Variants in GPM6A observed in about 807,000 individuals in gnomAD.
GPM6A encodes the protein neuronal membrane glycoprotein M6-a.
GPM6A carries 7 observed loss-of-function variants against 32.1 expected under a neutral mutation model. That is an observed-to-expected ratio of 0.22 (90% CI 0.12 to 0.41). The LOEUF (loss-of-function observed/expected upper bound fraction) is 0.41. Among genes scored for constraint, GPM6A ranks in the 10% least tolerant of loss-of-function variants. The pLI is 1.00. For missense variants in GPM6A, 235 were observed against 347.2 expected (o/e 0.68, Z 2.57); for synonymous variants, 130 against 123.4 (o/e 1.05, Z -0.35).
At chr4:175,765,814 C>T (rs1266191034) in intron 1 of GPM6A, among the ~76,000 whole-genome samples, 1 of 152,140 alleles carries the variant, frequency 6.6e-6, no homozygotes, top group Non-Finnish European at 1.5e-5. Flanking sequence ...CCAGTGAAAT[C>T]AACCTTTTTC....
chr4:175,795,522 G>A (rs1420067803), intron 1 of GPM6A, among the ~76,000 whole-genome samples: 1 of 152,086 alleles, frequency 6.6e-6, no homozygotes, highest in Non-Finnish European at 1.5e-5. Context: ...GGCCAAGGAG[G>A]GAGGATTGCT....
chr4:175,740,699 T>G (rs571017620), intron 1 of GPM6A, among the ~76,000 whole-genome samples: 1 of 152,100 alleles, frequency 6.6e-6, no homozygotes, highest in Non-Finnish European at 1.5e-5. Context: ...TTGTTTCATT[T>G]TATTATAATT....
intron 1 of GPM6A, among the ~76,000 whole-genome samples, chr4:175,834,338 T>A (rs956834363): frequency 1.3e-5 from 2 of 152,148 alleles, no homozygotes; most frequent in African/African-American, 4.8e-5. Flanking sequence ...GCTGCTTTTT[T>A]TAGTTTGTTT....
chr4:175,933,456 T>A (rs553682287), intron 1 of GPM6A, among the ~76,000 whole-genome samples: 2 of 152,288 alleles, frequency 1.3e-5, no homozygotes, highest in South Asian at 4.1e-4. Flanking sequence ...AAGTAAAACA[T>A]AGACTTACCA....
intron 1 of GPM6A, among the ~76,000 whole-genome samples, chr4:175,908,612 C>T (rs947228507): frequency 2.0e-5 from 3 of 151,986 alleles, no homozygotes; most frequent in African/African-American, 4.8e-5. Context: ...ATCAAAGGGG[C>T]CTTTATAGGA....
intron 1 of GPM6A, among the ~76,000 whole-genome samples, chr4:175,996,198 T>C (rs1225828534): frequency 2.6e-5 from 4 of 152,222 alleles, no homozygotes; most frequent in South Asian, 2.1e-4. Context: ...AAGGCCTCGA[T>C]TTTTTGTAAT....
upstream of GPM6A, among the ~76,000 whole-genome samples, chr4:175,815,089 C>T (rs1164861951): frequency 6.6e-6 from 1 of 152,114 alleles, no homozygotes; most frequent in South Asian, 2.1e-4. Flanking sequence ...CAGCTCACTG[C>T]AACTTCTGCC....
At chr4:175,794,275 T>C (rs1345858557) in intron 1 of GPM6A, among the ~76,000 whole-genome samples, 1 of 152,230 alleles carries the variant, frequency 6.6e-6, no homozygotes, top group African/African-American at 2.4e-5. Flanking sequence ...CTTGAAACAG[T>C]GCTTAGCAAA....
At position 175,991,792 on chromosome 4, in the gene GPM6A, TA is replaced by T. The variant is rs547729947; in HGVS notation, c.-23+10516del. ...TCTGTTCCATGCCCTGATATTTCTTTAAAAAAAACACAATATATTTGTTTCG... is the reference window on the plus strand; with the variant it reads ...TCTGTTCCATGCCCTGATATTTCTTTAAAAAAACACAATATATTTGTTTCG... On this transcript the variant is annotated intron_variant, in intron 1 of 7. Transcript: ENST00000280187. Among the ~76,000 whole-genome samples the T allele has an allele frequency of 3.1e-3, 475 of 151,970 alleles. 2 individuals carry two copies. The highest frequency in any genetic ancestry group is 3.4e-3 in the Non-Finnish European group (229 of 67,944).
chr4:175,862,922 TACCCGC>T (rs1199109900), intron 1 of GPM6A, among the ~76,000 whole-genome samples: 1 of 152,196 alleles, frequency 6.6e-6, no homozygotes, highest in Non-Finnish European at 1.5e-5. Context: ...GGACCAATTA[TACCCGC>T]ACCATGAATA....
intron 6 of GPM6A, among the ~76,000 whole-genome samples, chr4:175,637,148 A>C (rs1326323576): frequency 2.6e-5 from 3 of 114,324 alleles, no homozygotes; most frequent in Non-Finnish European, 5.2e-5. Context: ...TATATGATAT[A>C]TTATATGTCA....
At chr4:175,786,282 A>G (rs187282303) in intron 1 of GPM6A, among the ~76,000 whole-genome samples, 138 of 148,144 alleles carry the variant, frequency 9.3e-4, no homozygotes, top group African/African-American at 3.2e-3. Context: ...AGGTCAGGAA[A>G]GGTTTTTTGT....
intron 1 of GPM6A, among the ~76,000 whole-genome samples, chr4:175,784,781 G>A (rs1733735625): frequency 6.6e-6 from 1 of 152,064 alleles, no homozygotes; most frequent in Non-Finnish European, 1.5e-5. Flanking sequence ...TATTGCTAGA[G>A]GCTGAGGCAA....
chr4:175,659,591 T>C (rs1308071404), intron 3 of GPM6A, among the ~76,000 whole-genome samples: 1 of 152,208 alleles, frequency 6.6e-6, no homozygotes, highest in African/African-American at 2.4e-5. Flanking sequence ...TTACATAATG[T>C]CTAAAGCCCC....
chr4:175,656,089 G>C (rs61316568), intron 3 of GPM6A, among the ~76,000 whole-genome samples: 1 of 151,864 alleles, frequency 6.6e-6, no homozygotes, highest in East Asian at 1.9e-4. Context: ...TAAATAAAGT[G>C]GCCTCATTGG....
At position 175,862,225 on chromosome 4, in the gene GPM6A, A is replaced by G. The variant is rs184112848; in HGVS notation, c.-22-49976T>C. 4.6e-5 allele frequency among the ~76,000 whole-genome samples: 7 copies of G among 152,288 alleles called. No homozygotes were observed. The East Asian group carries it at 1.4e-3, about 29-fold the overall frequency. On this transcript the variant is annotated intron_variant, in intron 1 of 7. Transcript: ENST00000280187. ...CAAGAGTAAAGCCCAGTGAATTTTC[A>G]CAAGCTGCATATATCCATGTAAACA...
intron 1 of GPM6A, among the ~76,000 whole-genome samples, chr4:175,755,156 C>T (rs1732480082): frequency 6.6e-6 from 1 of 151,786 alleles, no homozygotes; most frequent in Admixed American, 6.6e-5. Flanking sequence ...AACATACAGA[C>T]CCAAGGAAAT....
At chr4:175,974,513 GC>G (rs1740603050) in intron 1 of GPM6A, among the ~76,000 whole-genome samples, 1 of 151,666 alleles carries the variant, frequency 6.6e-6, no homozygotes, top group African/African-American at 2.4e-5. Flanking sequence ...GAGCCACCAT[GC>G]CCAGCCCTAA....
At chr4:175,709,737 A>C (rs2111086597) in intron 1 of GPM6A, among the ~76,000 whole-genome samples, 1 of 152,006 alleles carries the variant, frequency 6.6e-6, no homozygotes, top group South Asian at 2.1e-4. Flanking sequence ...CAAAAAAAAA[A>C]AAAAAAAAAA....
Sources: allele counts gnomAD v4.1 joint callset (sites outside exome capture counted in the v4.1 genomes callset), GRCh38; gene constraint gnomAD v4.1.1; transcripts MANE v1.5; gene names NCBI Gene and HGNC (gene_info 2026-07-23, HGNC 2026-07-21).